Variants in DYM observed in about 807,000 individuals in gnomAD.
DYM encodes dymeclin, also known as dyggve-Melchior-Clausen syndrome protein.
Under a neutral mutation model 93.1 loss-of-function variants are expected in DYM, and 78 were observed. The ratio of observed to expected loss-of-function variants is 0.84; its 90% CI spans 0.70 to 1.01. The LOEUF is 1.01. Ranked by LOEUF, DYM falls within the 50% of genes least tolerant of loss-of-function variation. DYM has a pLI of 0.00. For synonymous variants in DYM, 321 were observed against 319.7 expected, an observed-to-expected ratio of 1.00 and a Z score of -0.04; for missense variants, 789 against 845.0, an observed-to-expected ratio of 0.93 and a Z score of 0.82.
At chr18:49,171,728 A>G (rs992402182) in intron 14 of DYM, among the ~76,000 whole-genome samples, 6 of 151,910 alleles carry the variant, frequency 3.9e-5, no homozygotes, top group South Asian at 2.1e-4. Context: ...AAGTCCTTAC[A>G]GCCCCCATAC....
At chr18:49,269,383 G>A (rs1197852309) in intron 11 of DYM, among the ~76,000 whole-genome samples, 1 of 152,074 alleles carries the variant, frequency 6.6e-6, no homozygotes, top group Admixed American at 6.6e-5. Context: ...GAGCCACCAA[G>A]GTGAGAAACA....
chr18:49,404,954 A>G (rs2071293737), intron 2 of DYM, among the ~76,000 whole-genome samples: 1 of 149,980 alleles, frequency 6.7e-6, no homozygotes, highest in African/African-American at 2.4e-5. Flanking sequence ...CAGAGGTTGC[A>G]GTGCGCCAAG....
chr18:49,240,874 A>T (rs1568083619), intron 13 of DYM, among the ~76,000 whole-genome samples: 1 of 152,250 alleles, frequency 6.6e-6, no homozygotes, highest in Non-Finnish European at 1.5e-5. Flanking sequence ...TCAAGGGTCA[A>T]GATTTATAAC....
At chr18:49,301,756 C>T (rs1223782681) in intron 8 of DYM, among the ~76,000 whole-genome samples, 2 of 152,280 alleles carry the variant, frequency 1.3e-5, no homozygotes, top group East Asian at 1.9e-4. Context: ...CTTTGTTTTT[C>T]ATCTCAGAAA....
intron 11 of DYM, among the ~76,000 whole-genome samples, chr18:49,262,364 G>C (rs2094503005): frequency 6.6e-6 from 1 of 152,122 alleles, no homozygotes; most frequent in Non-Finnish European, 1.5e-5. Flanking sequence ...GGCTACAGAA[G>C]ACAATAAATT....
chr18:49,409,062 A>G (rs1000387268), intron 2 of DYM, among the ~76,000 whole-genome samples: 3 of 152,184 alleles, frequency 2.0e-5, no homozygotes, highest in Non-Finnish European at 2.9e-5. Context: ...AGGCAGGTGG[A>G]TCACCTGAGG....
chr18:49,306,401 A>C (rs2061277581), intron 8 of DYM, among the ~76,000 whole-genome samples: 1 of 152,216 alleles, frequency 6.6e-6, no homozygotes, highest in Non-Finnish European at 1.5e-5. Flanking sequence ...GTTGGCTCAG[A>C]AACTCCTTTA....
intron 8 of DYM, among the ~76,000 whole-genome samples, chr18:49,303,761 A>G (rs1042686200): frequency 6.6e-6 from 1 of 152,246 alleles, no homozygotes; most frequent in Non-Finnish European, 1.5e-5. Flanking sequence ...GGCATAAAGT[A>G]TGTATCTTTC....
chr18:49,241,291 G>C (rs2144710605), intron 13 of DYM, among the ~76,000 whole-genome samples: 3 of 152,254 alleles, frequency 2.0e-5, no homozygotes, highest in Middle Eastern at 6.8e-3. Context: ...ATCAATGTCA[G>C]GTCTGCCAAA....
chr18:49,114,075 C>T (rs1599849571), intron 16 of DYM, among the ~76,000 whole-genome samples: 1 of 152,170 alleles, frequency 6.6e-6, no homozygotes, highest in African/African-American at 2.4e-5. Context: ...GCGAAAGGGC[C>T]AATGACATAA....
intron 11 of DYM, among the ~76,000 whole-genome samples, chr18:49,271,896 T>G (rs2094708444): frequency 6.6e-6 from 1 of 150,904 alleles, no homozygotes; most frequent in Non-Finnish European, 1.5e-5. Context: ...AATGAAAAAG[T>G]GGAAATGAAA....
chr18:49,294,679 A>G (rs2060408442), intron 8 of DYM, among the ~76,000 whole-genome samples: 1 of 152,192 alleles, frequency 6.6e-6, no homozygotes, highest in East Asian at 1.9e-4. Flanking sequence ...ATTGAATGAA[A>G]TAGAGGTAAG....
At chr18:49,164,257 A>C (rs1047324208) in intron 14 of DYM, among the ~76,000 whole-genome samples, 1 of 152,266 alleles carries the variant, frequency 6.6e-6, no homozygotes, top group Non-Finnish European at 1.5e-5. Flanking sequence ...ATGATTCAAA[A>C]TGTTTTATAA....
intron 14 of DYM, among the ~76,000 whole-genome samples, chr18:49,190,633 A>C (rs551704426): frequency 6.6e-6 from 1 of 152,326 alleles, no homozygotes; most frequent in South Asian, 2.1e-4. Context: ...ACGAACTTAA[A>C]AGTGAACATT....
At chr18:49,151,110 A>G (rs1046146248) in intron 15 of DYM, among the ~76,000 whole-genome samples, 3 of 152,188 alleles carry the variant, frequency 2.0e-5, no homozygotes, top group Non-Finnish European at 4.4e-5. Context: ...CCAAATTTCT[A>G]TCTCAGAAAC....
intron 5 of DYM, among the ~76,000 whole-genome samples, chr18:49,366,008 T>C (rs2066488161): frequency 6.6e-6 from 1 of 152,134 alleles, no homozygotes; most frequent in Non-Finnish European, 1.5e-5. Context: ...TAAAATGTAA[T>C]ATTTCAAGGC....
intron 13 of DYM, among the ~76,000 whole-genome samples, chr18:49,227,569 C>T (rs1455432692): frequency 6.6e-6 from 1 of 152,158 alleles, no homozygotes; most frequent in African/African-American, 2.4e-5. Flanking sequence ...CACAGTCTCT[C>T]ACCCTTGTAC....
At chr18:49,309,332 G>C (rs2061455089) in intron 8 of DYM, among the ~76,000 whole-genome samples, 1 of 152,076 alleles carries the variant, frequency 6.6e-6, no homozygotes, top group African/African-American at 2.4e-5. Context: ...TTGTTTGTTT[G>C]TTTTTTTAAC....
At chr18:49,285,420 G>A (rs1388681708) in intron 9 of DYM, among the ~76,000 whole-genome samples, 4 of 152,170 alleles carry the variant, frequency 2.6e-5, no homozygotes, top group Non-Finnish European at 5.9e-5. Context: ...ATCTGGTCAT[G>A]CACTGCATAA....
Sources: allele counts gnomAD v4.1 joint callset (sites outside exome capture counted in the v4.1 genomes callset), GRCh38; gene constraint gnomAD v4.1.1; transcripts MANE v1.5; gene names NCBI Gene and HGNC (gene_info 2026-07-23, HGNC 2026-07-21).